PCDHGB2: variants seen among roughly 807,000 people sequenced by gnomAD.
PCDHGB2 encodes the protein protocadherin gamma subfamily B, 2.
A neutral mutation model predicts 59.3 loss-of-function variants in PCDHGB2; 55 were observed. That is an observed-to-expected ratio of 0.93 (90% CI 0.75 to 1.16). The LOEUF (loss-of-function observed/expected upper bound fraction) is 1.16. Ranked by LOEUF, PCDHGB2 falls within the 50% of genes most tolerant of loss-of-function variation. The pLI is 0.00. For synonymous variants in PCDHGB2, 516 were observed against 512.0 expected (o/e 1.01, Z -0.11); for missense variants, 1,228 against 1,198.5 (o/e 1.02, Z -0.36).
intron 1 of PCDHGB2, chr5:141,382,974 A>G: frequency 6.2e-7 from 1 of 1,610,398 alleles, no homozygotes; most frequent in Non-Finnish European, 8.5e-7. Flanking sequence ...CCCCCTGGGA[A>G]GCCTGGGCAG....
intron 1 of PCDHGB2, chr5:141,399,691 C>A: frequency 6.2e-7 from 1 of 1,613,480 alleles, no homozygotes; most frequent in Non-Finnish European, 8.5e-7. Context: ...CGAGCAGCTG[C>A]GCACCTTCGA....
chr5:141,485,106 T>A lies in PCDHGB2; in HGVS notation c.2422-9701T>A, dbSNP rs2099607051. 8.3e-7 allele frequency: 1 copy of A among 1,206,448 alleles called. No individual in the cohort carries two copies. Among genetic ancestry groups the A allele is most frequent in the Admixed American group, 1.8e-5 (1 of 55,050 alleles). 74.7% of individuals were successfully genotyped at this position (1,206,448 alleles called of 1,614,324 possible). On this transcript the variant is annotated intron_variant, in intron 1 of 3. Coordinates refer to ENST00000522605, the MANE Select transcript of PCDHGB2 (RefSeq NM_018923.3). The surrounding 1 kb of genome is among the most constrained non-coding windows in gnomAD (Gnocchi z 5.7). ...GGGAGATAGGTGTCTCCAGCTGCTG[T>A]GGCTGTTTGGGGCGGGTCGGCTTCA...
At chr5:141,379,890 T>TTTTTTTTTTTTTTTTTTTTTTG (rs1776022019) in intron 1 of PCDHGB2, among the ~76,000 whole-genome samples, 1 of 25,360 alleles carries the variant, frequency 3.9e-5, no homozygotes, top group Non-Finnish European at 6.4e-5. Context: ...TGAAAGCCTC[T>TTTTTTTTTTTTTTTTTTTTTTG]TTTTTTTTTT....
intron 1 of PCDHGB2, chr5:141,413,362 C>G: frequency 1.2e-6 from 2 of 1,613,988 alleles, no homozygotes; most frequent in South Asian, 1.1e-5. Context: ...GCCCCGGGAG[C>G]TGGCGGAGCG....
At chr5:141,384,783 G>A in intron 1 of PCDHGB2, 4 of 1,613,678 alleles carry the variant, frequency 2.5e-6, no homozygotes, top group South Asian at 1.1e-5. Flanking sequence ...AGGTGCGCAC[G>A]GCTCGGGCCC....
intron 1 of PCDHGB2, among the ~76,000 whole-genome samples, chr5:141,458,445 T>G (rs180720013): frequency 6.6e-6 from 1 of 151,738 alleles, no homozygotes; most frequent in East Asian, 1.9e-4. Flanking sequence ...TCCCCCACAT[T>G]AACAATTTTT....
rs560084217 is a variant in PCDHGB2 at position 141,395,247 on chromosome 5, G to A, written c.2421+32691G>A. On this transcript the variant is annotated intron_variant, in intron 1 of 3. Transcript: ENST00000522605. ...AGCTGATCATGGTCAGGTGAGTTTA[G>A]TTCTTTGCTTGCTTTTAATTTCCAG... 4 of 1,561,194 alleles carry A rather than the reference G, an allele frequency of 2.6e-6. No individual in the cohort carries two copies. The East Asian group carries it at 9.1e-5, about 35-fold the overall frequency.
At position 141,431,998 on chromosome 5, in the gene PCDHGB2, A is replaced by G. The variant is rs201105272; in HGVS notation, c.2422-62809A>G. The G allele has an allele frequency of 1.2e-6, 2 of 1,614,176 alleles. No homozygotes were observed. Among genetic ancestry groups the G allele is most frequent in the Admixed American group, 1.7e-5 (1 of 60,030 alleles). On this transcript the variant is annotated intron_variant, in intron 1 of 3. Coordinates refer to ENST00000522605, the MANE Select transcript of PCDHGB2 (RefSeq NM_018923.3). This position sits in a 1 kb window ranked among gnomAD's most constrained non-coding sequence, Gnocchi z 4.8. The stretch of plus-strand genomic sequence containing the variant: ...TCACAGACATAGTCTTGGATAGGGA[A>G]CAGGTTCCTAGCTACAACATCACAG...
At chr5:141,409,596 A>G in intron 1 of PCDHGB2, 1 of 1,613,714 alleles carries the variant, frequency 6.2e-7, no homozygotes, top group Non-Finnish European at 8.5e-7. Flanking sequence ...GCCGAGAACA[A>G]CCCGCCAGGA....
intron 1 of PCDHGB2, among the ~76,000 whole-genome samples, chr5:141,464,402 G>T (rs900750443): frequency 6.6e-6 from 1 of 150,722 alleles, no homozygotes; most frequent in African/African-American, 2.4e-5. Context: ...AAGAACCTGA[G>T]ATATATATAT....
At position 141,487,448 on chromosome 5, in the gene PCDHGB2, C is replaced by T; in HGVS notation, c.2422-7359C>T. The stretch of plus-strand genomic sequence containing the variant: ...CCGAATCCAGCTAGGGTCAGATGAC[C>T]CTATCAAGTTTGTTGATGTGGGAGG... On this transcript the variant is annotated intron_variant, in intron 1 of 3. Coordinates refer to ENST00000522605, the MANE Select transcript of PCDHGB2 (RefSeq NM_018923.3). The surrounding 1 kb of genome is among the most constrained non-coding windows in gnomAD (Gnocchi z 5.0). 6.8e-6 allele frequency: 11 copies of T among 1,614,146 alleles called. No individual in the cohort carries two copies. The highest frequency in any genetic ancestry group is 9.3e-6 in the Non-Finnish European group (11 of 1,180,028).
rs150897033 is a variant in PCDHGB2, at chr5:141,453,434, G to C, written c.2422-41373G>C. Among the ~76,000 whole-genome samples the C allele has an allele frequency of 3.9e-3, 592 of 151,994 alleles. 6 individuals are homozygous for C. The highest frequency in any genetic ancestry group is 0.011 in the Admixed American group (171 of 15,256). On this transcript the variant is annotated intron_variant, in intron 1 of 3. Coordinates refer to ENST00000522605, the MANE Select transcript of PCDHGB2 (RefSeq NM_018923.3). Reference sequence around the variant, plus strand: ...GGCATAAGCCACCACACCTAGCCTAGTATTCTTTTTTGAATATGTAAAACA... The same window carrying C: ...GGCATAAGCCACCACACCTAGCCTACTATTCTTTTTTGAATATGTAAAACA...
intron 1 of PCDHGB2, among the ~76,000 whole-genome samples, chr5:141,402,580 TA>T (rs2094282125): frequency 6.6e-6 from 1 of 152,226 alleles, no homozygotes; most frequent in Admixed American, 6.5e-5. Context: ...CTCAGATATC[TA>T]AAAAATAGAT....
chr5:141,412,020 C>G (rs1158851404), intron 1 of PCDHGB2: 1 of 145,358 alleles, frequency 6.9e-6, no homozygotes, highest in Non-Finnish European at 1.5e-5. Context: ...TCTGAACATC[C>G]TGTTCTCTGT....
At chr5:141,415,359 G>C in intron 1 of PCDHGB2, 2 of 1,614,246 alleles carry the variant, frequency 1.2e-6, no homozygotes, top group Non-Finnish European at 1.7e-6. Flanking sequence ...AGTCACGCCT[G>C]CTGCAGGCTT....
At chr5:141,376,556 A>G in intron 1 of PCDHGB2, 1 of 1,611,100 alleles carries the variant, frequency 6.2e-7, no homozygotes, top group Non-Finnish European at 8.5e-7. Context: ...TCTTCCCGCA[A>G]CCCAACTAAT....
At chr5:141,504,666 G>T (rs2099839952) in intron 2 of PCDHGB2, among the ~76,000 whole-genome samples, 1 of 107,242 alleles carries the variant, frequency 9.3e-6, no homozygotes, top group South Asian at 3.6e-4. Context: ...AGGGCGGGGG[G>T]TGGGGGTTCT....
intron 1 of PCDHGB2, chr5:141,413,279 TCTC>T (rs759727755): frequency 2.4e-5 from 39 of 1,613,826 alleles, no homozygotes; most frequent in Non-Finnish European, 3.1e-5. Flanking sequence ...GCCCGGCAGA[TCTC>T]CTACTCAATT....
In PCDHGB2 at chr5:141,362,154, A is replaced by G; in HGVS notation, c.2019A>G (p.Pro673=). ...IFADSLQEVL[P]DLSDRREPSD... The stretch of plus-strand genomic sequence containing the variant: ...CGGATAGCCTGCAAGAGGTATTGCC[A>G]GACCTCAGCGACCGCCGGGAGCCCT... Residue 673 remains proline (P), a synonymous_variant, in exon 1 of 4, where the codon CCA becomes CCG. Coordinates refer to ENST00000522605, the MANE Select transcript of PCDHGB2 (RefSeq NM_018923.3). 1 of 1,614,030 alleles carries G rather than the reference A, an allele frequency of 6.2e-7. No individual in the cohort carries two copies. The highest frequency in any genetic ancestry group is 8.5e-7 in the Non-Finnish European group (1 of 1,179,898).
Sources: allele counts gnomAD v4.1 joint callset (sites outside exome capture counted in the v4.1 genomes callset), GRCh38; gene constraint gnomAD v4.1.1; non-coding constraint Gnocchi (gnomAD v3.1); transcripts MANE v1.5; gene names NCBI Gene and HGNC (gene_info 2026-07-23, HGNC 2026-07-21).